Variants in SZRD1 observed in about 807,000 individuals in gnomAD.
SZRD1 encodes the protein SUZ RNA-binding domain-containing.
Under a neutral mutation model 17.6 loss-of-function variants are expected in SZRD1, and 7 were observed. That is an observed-to-expected ratio of 0.40 (90% confidence interval 0.23 to 0.75). The LOEUF is 0.75. SZRD1 is among the 30% of genes least tolerant of loss of function. The pLI is 0.38. For missense variants in SZRD1, 178 were observed against 201.8 expected (o/e 0.88, Z 0.71); for synonymous variants, 77 against 77.9 (o/e 0.99, Z 0.06).
rs140396025 is a variant in SZRD1, at chr1:16,388,114, C to CATAT, written c.52-3250_52-3247dup. ...TGGTGCCTCAGAATACAATAAATTA[C>CATAT]ATATATATATATATTTTGAGACAGA... On this transcript the variant is annotated intron_variant, in intron 1 of 3. Coordinates refer to ENST00000401088, the MANE Select transcript of SZRD1 (RefSeq NM_001114600.3). Among the ~76,000 whole-genome samples, 5 of 151,096 alleles carry CATAT rather than the reference C, an allele frequency of 3.3e-5. No homozygotes were observed. In the South Asian group the frequency reaches 8.3e-4, roughly 25 times the overall value.
At chr1:16,379,429 G>T (rs747046483) in intron 1 of SZRD1, among the ~76,000 whole-genome samples, 1 of 152,260 alleles carries the variant, frequency 6.6e-6, no homozygotes, top group Non-Finnish European at 1.5e-5. Flanking sequence ...TCACTTACTA[G>T]TTGTGCATAG....
At chr1:16,371,853 C>G (rs2082920699) in intron 1 of SZRD1, among the ~76,000 whole-genome samples, 1 of 152,172 alleles carries the variant, frequency 6.6e-6, no homozygotes, top group Non-Finnish European at 1.5e-5. Flanking sequence ...TCCTGAGTAG[C>G]TGGGCCCACA....
chr1:16,384,638 C>G (rs531672949), intron 1 of SZRD1, among the ~76,000 whole-genome samples: 5 of 152,348 alleles, frequency 3.3e-5, no homozygotes, highest in African/African-American at 9.6e-5. Flanking sequence ...CAGTGTCCCT[C>G]CCAAGGCCTG....
Position 16,391,283 on chromosome 1 carries a change from G to T in SZRD1, c.52-92G>T. ...GGACACAGTCATGTCCCTGGCTAGA[G>T]AAAGGACACTGCCCTTAGCTCCAAA... On this transcript the variant is annotated intron_variant, in intron 1 of 3. Coordinates refer to ENST00000401088, the MANE Select transcript of SZRD1 (RefSeq NM_001114600.3). The surrounding 1 kb of genome is among the most constrained non-coding windows in gnomAD (Gnocchi z 4.3). 1.1e-6 allele frequency: 1 copy of T among 950,156 alleles called. No homozygotes were observed. The highest frequency in any genetic ancestry group is 1.5e-5 in the South Asian group (1 of 65,666). The allele number at this position is 950,156 out of a possible 1,614,324, so 58.9% of individuals were successfully genotyped here. A position where few individuals can be genotyped will look rare whatever the true frequency, so the allele number is the denominator to read the frequency against.
At chr1:16,371,377 A>G (rs975383664) in intron 1 of SZRD1, among the ~76,000 whole-genome samples, 1 of 148,854 alleles carries the variant, frequency 6.7e-6, no homozygotes. Context: ...GACATCATGT[A>G]GAATTTCTCC....
chr1:16,380,977 C>T (rs1436831438), intron 1 of SZRD1, among the ~76,000 whole-genome samples: 1 of 150,722 alleles, frequency 6.6e-6, no homozygotes, highest in Non-Finnish European at 1.5e-5. Context: ...ATCCCAGCTG[C>T]TCAGGAGGCT....
At chr1:16,389,280 G>T (rs142567848) in intron 1 of SZRD1, among the ~76,000 whole-genome samples, 8 of 137,284 alleles carry the variant, frequency 5.8e-5, no homozygotes, top group Admixed American at 1.4e-4. Flanking sequence ...GGGGGGTGGG[G>T]GGGGGGCAGA....
intron 1 of SZRD1, chr1:16,369,546 A>T (rs2082876409): frequency 1.4e-6 from 1 of 724,658 alleles, no homozygotes; most frequent in Non-Finnish European, 2.5e-6. Context: ...CAGCGGAGGC[A>T]GAAAGCCAGA....
chr1:16,378,496 C>T (rs570328934), intron 1 of SZRD1, among the ~76,000 whole-genome samples: 3 of 151,792 alleles, frequency 2.0e-5, no homozygotes, highest in East Asian at 1.9e-4. Context: ...CCATGTTGGC[C>T]GGTCTGGTCT....
intron 1 of SZRD1, among the ~76,000 whole-genome samples, chr1:16,381,400 C>G (rs545207710): frequency 1.4e-5 from 2 of 139,130 alleles, no homozygotes; most frequent in East Asian, 4.5e-4. Flanking sequence ...TGTAGAAATA[C>G]AAAAAAATTA....
rs549227590 is a variant in SZRD1, at chr1:16,388,257, G to A, written c.52-3118G>A. On this transcript the variant is annotated intron_variant, in intron 1 of 3. Coordinates refer to ENST00000401088, the MANE Select transcript of SZRD1 (RefSeq NM_001114600.3). ...GCCTCCTGAGTAGCTGGGATACCAC[G>A]CCCAGCTAATTTTTGTATTTTTAGT... Among the ~76,000 whole-genome samples the A allele has an allele frequency of 3.3e-5, 5 of 152,072 alleles. No homozygotes were observed. In the East Asian group the frequency reaches 5.8e-4, roughly 18 times the overall value.
At position 16,393,219 on chromosome 1, in the gene SZRD1, CTT is replaced by C; in HGVS notation, c.102-7_102-6del. ...CATGATTTGTGAAGCTGTGTTTGCTCTTTGTCAGCAGGAAATCCAAATCTCCT... is the reference window on the plus strand; with the variant it reads ...CATGATTTGTGAAGCTGTGTTTGCTCTGTCAGCAGGAAATCCAAATCTCCT... On this transcript the variant is annotated splice_region_variant and splice_polypyrimidine_tract_variant and intron_variant, in intron 2 of 3. Transcript: ENST00000401088. This position sits in a 1 kb window ranked among gnomAD's most constrained non-coding sequence, Gnocchi z 5.6. 1 of 1,613,254 alleles carries C rather than the reference CTT, an allele frequency of 6.2e-7. No individual in the cohort carries two copies. The highest frequency in any genetic ancestry group is 8.5e-7 in the Non-Finnish European group (1 of 1,179,372).
At chr1:16,392,190 A>G (rs918377037) in intron 2 of SZRD1, among the ~76,000 whole-genome samples, 11 of 152,146 alleles carry the variant, frequency 7.2e-5, no homozygotes, top group Non-Finnish European at 5.9e-5. Context: ...CCTGGGTTAC[A>G]GTCCTCGTTC....
chr1:16,378,946 C>G (rs1421226418), intron 1 of SZRD1, among the ~76,000 whole-genome samples: 3 of 149,282 alleles, frequency 2.0e-5, no homozygotes, highest in African/African-American at 7.4e-5. Flanking sequence ...AGGCTGGTCT[C>G]GAGCTCCTGA....
chr1:16,381,554 C>CA (rs1196669695), intron 1 of SZRD1, among the ~76,000 whole-genome samples: 1,692 of 53,656 alleles, frequency 0.032, 26 homozygotes, highest in Middle Eastern at 0.043. Flanking sequence ...GACTTCATCT[C>CA]AAAAAAAAAA....
chr1:16,374,995 A>G (rs992185119), intron 1 of SZRD1, among the ~76,000 whole-genome samples: 3 of 151,864 alleles, frequency 2.0e-5, no homozygotes, highest in Non-Finnish European at 4.4e-5. Flanking sequence ...CTCCTGCCTC[A>G]GCCTCCCAAG....
chr1:16,390,942 T>G (rs909338543), intron 1 of SZRD1, among the ~76,000 whole-genome samples: 1 of 152,154 alleles, frequency 6.6e-6, no homozygotes, highest in Admixed American at 6.6e-5. Context: ...CTCAGAAGCT[T>G]TGACTAGGTC....
chr1:16,378,284 TC>T (rs907264837), intron 1 of SZRD1, among the ~76,000 whole-genome samples: 9 of 135,018 alleles, frequency 6.7e-5, no homozygotes, highest in Non-Finnish European at 1.1e-4. Context: ...TTTGGCAACT[TC>T]TTTTTTTTTT....
rs1275913405 is a variant in SZRD1, at chr1:16,395,130, A to G, written c.449A>G (p.Gln150Arg). Residue 150 changes from glutamine to arginine, a missense_variant, in exon 4 of 4, where the codon CAG becomes CGG. Gln to Arg is a conservative substitution (Grantham distance 43). Transcript: ENST00000401088. ...LGPDGSQGFKQRR is the reference protein window; with the variant it reads ...LGPDGSQGFKRRR ...CCTGATGGGTCTCAAGGCTTCAAAC[A>G]GCGCAGATAAATGCAGGCAAGAAAA... 2.5e-6 allele frequency: 4 copies of G among 1,611,784 alleles called. No individual in the cohort carries two copies. In the South Asian group the frequency reaches 4.4e-5, roughly 18 times the overall value.
Sources: gnomAD v4.1 joint callset for allele counts (sites outside exome capture counted in the v4.1 genomes callset) on GRCh38, gnomAD v4.1.1 for gene constraint, Gnocchi (gnomAD v3.1) non-coding constraint, MANE v1.5 for transcripts, NCBI Gene and HGNC (gene_info 2026-07-23, HGNC 2026-07-21) for gene names.